POPDC1: variants seen among roughly 807,000 people sequenced by gnomAD.
The protein encoded by POPDC1 is popeye domain-containing protein 1.
the POPDC1 span, chr6:105,115,574 G>T: frequency 1.5e-6 from 2 of 1,321,424 alleles, no homozygotes; most frequent in Non-Finnish European, 2.1e-6. Context: ...CCTTTAGGTT[G>T]CCTTTCAAAT....
chr6:105,124,683 A>G, the POPDC1 span: 2 of 1,453,472 alleles, frequency 1.4e-6, no homozygotes, highest in Non-Finnish European at 1.9e-6. Context: ...TGTTAATAAA[A>G]GCAATATTTC....
chr6:105,119,059 C>T, the POPDC1 span, among the ~76,000 whole-genome samples: 6,521 of 151,914 alleles, frequency 0.043, 465 homozygotes, highest in African/African-American at 0.15. Flanking sequence ...GTGGCAGGCG[C>T]CTGTAATCCC....
the POPDC1 span, among the ~76,000 whole-genome samples, chr6:105,135,076 A>G: frequency 6.6e-6 from 1 of 152,220 alleles, no homozygotes; most frequent in Non-Finnish European, 1.5e-5. Context: ...CTAGCATTAC[A>G]TAGGTTAATA....
At chr6:105,124,432 T>A in the POPDC1 span, 1 of 702,162 alleles carries the variant, frequency 1.4e-6, no homozygotes, top group Non-Finnish European at 2.5e-6. Context: ...ATATGCCCTA[T>A]GGTAACTTGT....
At chr6:105,108,394 G>A in the POPDC1 span, among the ~76,000 whole-genome samples, 598 of 152,158 alleles carry the variant, frequency 3.9e-3, 8 homozygotes, top group African/African-American at 0.014. Context: ...AAAAGACAAC[G>A]ATAAGGAAAA....
the POPDC1 span, among the ~76,000 whole-genome samples, chr6:105,106,642 A>G: frequency 6.6e-6 from 1 of 152,020 alleles, no homozygotes. Context: ...GGAGGAGGGG[A>G]GCCCATTGTT....
chr6:105,117,397 C>T, the POPDC1 span, among the ~76,000 whole-genome samples: 1 of 152,252 alleles, frequency 6.6e-6, no homozygotes, highest in Admixed American at 6.5e-5. Flanking sequence ...GTCCTTCTGT[C>T]ATAGGTGTTT....
chr6:105,123,315 AC>A, the POPDC1 span, among the ~76,000 whole-genome samples: 14 of 152,242 alleles, frequency 9.2e-5, no homozygotes, highest in African/African-American at 1.4e-4. Context: ...CCTTCCAATA[AC>A]AAGGTGAATG....
At chr6:105,118,377 T>C in the POPDC1 span, among the ~76,000 whole-genome samples, 1 of 152,240 alleles carries the variant, frequency 6.6e-6, no homozygotes, top group African/African-American at 2.4e-5. Context: ...TGTGTTTATT[T>C]ATTATATCAA....
At chr6:105,125,283 A>G in the POPDC1 span, 5 of 1,291,552 alleles carry the variant, frequency 3.9e-6, no homozygotes, top group South Asian at 6.8e-5. Context: ...AAACTCTGTG[A>G]CTGCTTTCTC....
the POPDC1 span, chr6:105,101,050 A>C: frequency 6.3e-7 from 1 of 1,576,978 alleles, no homozygotes; most frequent in Non-Finnish European, 8.6e-7. Context: ...GATCTCTTCA[A>C]GACACCTTCC....
At chr6:105,112,189 C>G in the POPDC1 span, among the ~76,000 whole-genome samples, 8 of 152,144 alleles carry the variant, frequency 5.3e-5, no homozygotes, top group Non-Finnish European at 8.8e-5. Flanking sequence ...ATTTAAGAAT[C>G]TGTTGTTCTA....
the POPDC1 span, among the ~76,000 whole-genome samples, chr6:105,128,377 G>C: frequency 1.3e-5 from 2 of 152,088 alleles, no homozygotes; most frequent in African/African-American, 4.8e-5. Context: ...TTTTTCTTCT[G>C]CCATGAGAAT....
At chr6:105,098,333 G>A in the POPDC1 span, 5 of 152,154 alleles carry the variant, frequency 3.3e-5, no homozygotes, top group African/African-American at 4.8e-5. Flanking sequence ...TTCCTTAGAG[G>A]TGTGTGTTTA....
the POPDC1 span, among the ~76,000 whole-genome samples, chr6:105,105,104 C>T: frequency 6.6e-6 from 1 of 152,122 alleles, no homozygotes; most frequent in Non-Finnish European, 1.5e-5. Flanking sequence ...GTCCTAAGGG[C>T]CTGGAAAGAT....
At chr6:105,101,182 G>A in the POPDC1 span, 1 of 1,612,958 alleles carries the variant, frequency 6.2e-7, no homozygotes, top group Non-Finnish European at 8.5e-7. Context: ...GTTTCATCTT[G>A]GCAGAGGCTC....
the POPDC1 span, among the ~76,000 whole-genome samples, chr6:105,129,658 A>T: frequency 6.6e-6 from 1 of 152,196 alleles, no homozygotes; most frequent in African/African-American, 2.4e-5. Context: ...CATGGATAGT[A>T]TACAACTCTA....
At chr6:105,107,320 G>A in the POPDC1 span, among the ~76,000 whole-genome samples, 1 of 152,150 alleles carries the variant, frequency 6.6e-6, no homozygotes, top group African/African-American at 2.4e-5. Flanking sequence ...CTGGCATACA[G>A]GGTAAGAAAA....
At chr6:105,104,953 CTAT>C in the POPDC1 span, among the ~76,000 whole-genome samples, 4 of 152,176 alleles carry the variant, frequency 2.6e-5, no homozygotes, top group African/African-American at 9.6e-5. Flanking sequence ...CACATCTGTA[CTAT>C]TATTTCTACT....
Sources: allele counts gnomAD v4.1 joint callset (sites outside exome capture counted in the v4.1 genomes callset), GRCh38; gene constraint gnomAD v4.1.1; transcripts MANE v1.5; gene names NCBI Gene and HGNC (gene_info 2026-07-23, HGNC 2026-07-21).